MYOM1: variants seen among roughly 807,000 people sequenced by gnomAD.
MYOM1 encodes myomesin-1.
In MYOM1, 164 loss-of-function variants were observed where a neutral mutation model predicts 205.3. The observed-to-expected ratio is 0.80, with a 90% CI of 0.70 to 0.91. The LOEUF is 0.91. Ranked by LOEUF, MYOM1 falls within the 40% of genes least tolerant of loss-of-function variation. The pLI is 0.00. For missense variants in MYOM1, 2,011 were observed against 2,127.3 expected (o/e 0.95, Z 1.08); for synonymous variants, 772 against 789.4 (o/e 0.98, Z 0.37).
chr18:3,232,117 G>T, the MYOM1 span, among the ~76,000 whole-genome samples: 2 of 151,604 alleles, frequency 1.3e-5, no homozygotes, highest in African/African-American at 2.4e-5. Flanking sequence ...ATCACCTAAG[G>T]TCAGGAGTTC....
chr18:3,177,451 T>C (rs1391192406), intron 5 of MYOM1, among the ~76,000 whole-genome samples: 2 of 82,516 alleles, frequency 2.4e-5, no homozygotes, highest in Non-Finnish European at 5.6e-5. Flanking sequence ...ATATCATTAT[T>C]ATTATTATTA....
chr18:3,096,452 ATT>A (rs5822737), intron 25 of MYOM1, among the ~76,000 whole-genome samples: 15 of 143,472 alleles, frequency 1.0e-4, no homozygotes, highest in East Asian at 6.1e-4. Context: ...TAGAAACACC[ATT>A]TTTTTTTTTT....
Position 3,102,491 on chromosome 18 carries a change from G to A in MYOM1, c.3558C>T (p.Val1186=), listed in dbSNP as rs200901326. The A allele has an allele frequency of 1.5e-5, 24 of 1,611,422 alleles. No homozygotes were observed. In the East Asian group the frequency reaches 2.9e-4, roughly 19 times the overall value. Reference sequence around the variant, plus strand: ...GTCCTTACTTGTTGCCCTTGCTTTCGACTTCCAATCGTGGAGAGTCCTCAG... The same window carrying A: ...GTCCTTACTTGTTGCCCTTGCTTTCAACTTCCAATCGTGGAGAGTCCTCAG... ...VSTEDSPRLE[V]ESKGNKTKMT... is the part of the protein sequence containing the mutation. The change falls in exon 23 of 38, where the codon GTC becomes GTT. Residue 1186 remains valine (V), a synonymous_variant. Transcript: ENST00000356443.
At chr18:3,150,085 A>C (rs866541010) in intron 12 of MYOM1, among the ~76,000 whole-genome samples, 3 of 152,210 alleles carry the variant, frequency 2.0e-5, no homozygotes, top group Middle Eastern at 3.4e-3. Flanking sequence ...TTTCAGATGG[A>C]GTCTCGCTCT....
chr18:3,159,065 A>G (rs533942297), intron 10 of MYOM1, among the ~76,000 whole-genome samples: 1 of 152,276 alleles, frequency 6.6e-6, no homozygotes, highest in African/African-American at 2.4e-5. Context: ...AGCAAGAGAA[A>G]CAGAGTGTGA....
intron 34 of MYOM1, among the ~76,000 whole-genome samples, chr18:3,077,912 G>A (rs1355547171): frequency 6.6e-6 from 1 of 152,066 alleles, no homozygotes; most frequent in Non-Finnish European, 1.5e-5. Context: ...TCTAGTCGCC[G>A]TGAATGGGTG....
the MYOM1 span, among the ~76,000 whole-genome samples, chr18:3,242,300 C>A: frequency 6.6e-6 from 1 of 152,106 alleles, no homozygotes; most frequent in South Asian, 2.1e-4. Context: ...ATCATGGGGG[C>A]AGTTCTTTCC....
chr18:3,070,542 A>G (rs773509587), intron 37 of MYOM1, among the ~76,000 whole-genome samples: 3 of 152,222 alleles, frequency 2.0e-5, no homozygotes, highest in Non-Finnish European at 4.4e-5. Context: ...TAGTTAAATG[A>G]AAGTAAGGAA....
At chr18:3,161,778 A>AT (rs2080394380) in intron 10 of MYOM1, among the ~76,000 whole-genome samples, 1 of 152,212 alleles carries the variant, frequency 6.6e-6, no homozygotes, top group Non-Finnish European at 1.5e-5. Flanking sequence ...TCTGCTTCTA[A>AT]TTAACTGAAG....
At chr18:3,109,653 T>C (rs142454054) in intron 22 of MYOM1, among the ~76,000 whole-genome samples, 1 of 152,242 alleles carries the variant, frequency 6.6e-6, no homozygotes, top group Non-Finnish European at 1.5e-5. Flanking sequence ...GAGAGAGTTG[T>C]TGTCGTTGTT....
intron 35 of MYOM1, 49 bp from the exon 36 acceptor site, chr18:3,075,525 T>A (rs755209963): frequency 6.3e-7 from 1 of 1,591,620 alleles, no homozygotes; most frequent in East Asian, 2.2e-5. Flanking sequence ...TGTGTTAGTG[T>A]TACTTCAAAG....
In MYOM1 at chr18:3,127,733, T is replaced by A. The variant is rs1411783024; in HGVS notation, c.2795-836A>T. On this transcript the variant is annotated intron_variant, in intron 18 of 37. Transcript: ENST00000356443. Reference sequence around the variant, plus strand: ...AAAAAAATTTACTCTAGAGCTCAGCTAAATGACAGCTTTAGAAAACATTTT... The same window carrying A: ...AAAAAAATTTACTCTAGAGCTCAGCAAAATGACAGCTTTAGAAAACATTTT... Among the ~76,000 whole-genome samples the A allele has an allele frequency of 4.6e-5, 7 of 152,222 alleles. 1 individual carries two copies. The highest frequency in any genetic ancestry group is 1.0e-4 in the Non-Finnish European group (7 of 68,046).
At chr18:3,116,249 T>C (rs772308125) in intron 21 of MYOM1, 82 bp downstream of exon 21, 2 of 1,395,978 alleles carry the variant, frequency 1.4e-6, no homozygotes, top group East Asian at 2.5e-5. Context: ...AGCGGAGATA[T>C]TCTGTTTTAT....
chr18:3,140,679 T>C, intron 14 of MYOM1, among the ~76,000 whole-genome samples: 1 of 152,196 alleles, frequency 6.6e-6, no homozygotes, highest in Admixed American at 6.5e-5. Flanking sequence ...ATGAAATGTA[T>C]TCTCTTGCAA....
intron 8 of MYOM1, among the ~76,000 whole-genome samples, chr18:3,169,203 G>A (rs1456693044): frequency 6.6e-6 from 1 of 152,022 alleles, no homozygotes; most frequent in Admixed American, 6.6e-5. Context: ...TAAGCTAAAT[G>A]CTTATTTTTA....
At chr18:3,186,816 GAAAGAAAGAGAA>G (rs2080820721) in intron 5 of MYOM1, among the ~76,000 whole-genome samples, 1 of 134,424 alleles carries the variant, frequency 7.4e-6, no homozygotes, top group African/African-American at 2.8e-5. Flanking sequence ...AAGAAAGAAA[GAAAGAAAGAGAA>G]AGAAAGAAGA....
chr18:3,090,600 G>A (rs929856218), intron 27 of MYOM1, 58 bp downstream of exon 27: 18 of 1,594,208 alleles, frequency 1.1e-5, no homozygotes, highest in Non-Finnish European at 1.5e-5. Flanking sequence ...GTGCCATGGG[G>A]TACTTAGATT....
intron 3 of MYOM1, among the ~76,000 whole-genome samples, chr18:3,193,382 A>ACACACACACACACAC (rs2080947138): frequency 9.3e-6 from 1 of 107,226 alleles, no homozygotes; most frequent in East Asian, 3.5e-4. Flanking sequence ...ACACACACAC[A>ACACACACACACACAC]ATAATAAAAA....
chr18:3,244,661 C>G, the MYOM1 span, among the ~76,000 whole-genome samples: 1 of 150,846 alleles, frequency 6.6e-6, no homozygotes, highest in Non-Finnish European at 1.5e-5. Flanking sequence ...GAGGCTGAGG[C>G]GGGTGGATCA....
Sources: gnomAD v4.1 joint callset for allele counts (sites outside exome capture counted in the v4.1 genomes callset) on GRCh38, gnomAD v4.1.1 for gene constraint, MANE v1.5 for transcripts, NCBI Gene and HGNC (gene_info 2026-07-23, HGNC 2026-07-21) for gene names.